Variants in TANGO6 observed in about 807,000 individuals in gnomAD.
TANGO6 encodes the protein transport and Golgi organization protein 6 homolog.
In TANGO6, 90 loss-of-function variants were observed where a neutral mutation model predicts 114.2. That is an observed-to-expected ratio of 0.79 (90% confidence interval 0.66 to 0.94). The LOEUF is 0.94. Among genes scored for constraint, TANGO6 ranks in the 40% least tolerant of loss-of-function variants. The pLI, the probability that TANGO6 is intolerant of heterozygous loss-of-function variation, is 0.00. For missense variants in TANGO6, 1,274 were observed against 1,315.3 expected (o/e 0.97, Z 0.49); for synonymous variants, 477 against 509.8 (o/e 0.94, Z 0.87).
At chr16:68,877,974 A>G (rs1228666548) in intron 5 of TANGO6, 144 bp from the exon 6 acceptor site, 4 of 659,708 alleles carry the variant, frequency 6.1e-6, no homozygotes, top group East Asian at 3.0e-5. Flanking sequence ...GATACTGGGT[A>G]TGTTAAATTA....
At chr16:69,023,846 A>G (rs1432173835) in intron 16 of TANGO6, among the ~76,000 whole-genome samples, 1 of 152,202 alleles carries the variant, frequency 6.6e-6, no homozygotes, top group Admixed American at 6.5e-5. Flanking sequence ...GTGAACCATC[A>G]AAATGATAGC....
intron 14 of TANGO6, among the ~76,000 whole-genome samples, chr16:68,959,265 A>G (rs937434462): frequency 1.3e-5 from 2 of 152,138 alleles, no homozygotes; most frequent in East Asian, 3.9e-4. Context: ...TTGCCTAATC[A>G]TGTCATCAAG....
chr16:69,046,323 T>C (rs1959857348), intron 17 of TANGO6, among the ~76,000 whole-genome samples: 1 of 142,922 alleles, frequency 7.0e-6, no homozygotes, highest in Non-Finnish European at 1.5e-5. Flanking sequence ...AGAAAAGGAT[T>C]TTTTTTTTTT....
intron 16 of TANGO6, among the ~76,000 whole-genome samples, chr16:69,024,179 G>A (rs1300469703): frequency 6.6e-6 from 1 of 152,080 alleles, no homozygotes; most frequent in Non-Finnish European, 1.5e-5. Flanking sequence ...TAGGATTACA[G>A]GCGTGAGCCA....
At chr16:68,942,770 A>G (rs115675275) in intron 14 of TANGO6, among the ~76,000 whole-genome samples, 1,976 of 152,258 alleles carry the variant, frequency 0.013, 46 homozygotes, top group African/African-American at 0.045. Context: ...TTATCATCTC[A>G]GGCCTTTTTA....
intron 15 of TANGO6, among the ~76,000 whole-genome samples, chr16:68,986,593 C>A (rs567399252): frequency 3.3e-5 from 5 of 152,066 alleles, no homozygotes; most frequent in African/African-American, 1.2e-4. Context: ...AGAATGAAGC[C>A]ATAATCCAAT....
chr16:68,909,308 T>C lies in TANGO6; in HGVS notation c.1898T>C (p.Leu633Pro). 1 of 1,610,858 alleles carries C rather than the reference T, an allele frequency of 6.2e-7. No individual in the cohort carries two copies. Among genetic ancestry groups the C allele is most frequent in the Non-Finnish European group, 8.5e-7 (1 of 1,178,414 alleles). Reference protein sequence around the residue: ...LLELEQHQTLLVEGQERKLLV... With the variant: ...LLELEQHQTLPVEGQERKLLV... ...GAATTAGAGCAACATCAGACTCTTC[T>C]TGTGGAAGGCCAAGAGCGGAAGCTG... The change falls in exon 11 of 18, where the codon CTT (leucine) becomes CCT (proline). Residue 633 changes from leucine (L) to proline (P), a missense_variant. Coordinates refer to ENST00000261778, the MANE Select transcript of TANGO6 (RefSeq NM_024562.2).
chr16:68,999,585 A>G (rs963637337), intron 15 of TANGO6, among the ~76,000 whole-genome samples: 2 of 152,190 alleles, frequency 1.3e-5, no homozygotes, highest in African/African-American at 4.8e-5. Flanking sequence ...CTCACAAATA[A>G]TTTCCAAATT....
chr16:68,957,300 A>G (rs917327714), intron 14 of TANGO6, among the ~76,000 whole-genome samples: 11 of 152,052 alleles, frequency 7.2e-5, no homozygotes, highest in East Asian at 3.9e-4. Flanking sequence ...CAGAAACTCT[A>G]TAACATTAGG....
At chr16:68,997,797 A>G (rs141643442) in intron 15 of TANGO6, among the ~76,000 whole-genome samples, 53 of 152,316 alleles carry the variant, frequency 3.5e-4, no homozygotes, top group Middle Eastern at 6.8e-3. Context: ...CACCTCTGAC[A>G]TATTTCCTCC....
intron 1 of TANGO6, among the ~76,000 whole-genome samples, chr16:68,858,702 CA>C (rs979030416): frequency 2.0e-5 from 3 of 152,022 alleles, no homozygotes; most frequent in African/African-American, 7.2e-5. Context: ...AGGCTGATCT[CA>C]AACTCCTGGG....
intron 17 of TANGO6, among the ~76,000 whole-genome samples, chr16:69,049,622 G>A (rs1477527636): frequency 6.6e-6 from 1 of 151,726 alleles, no homozygotes; most frequent in South Asian, 2.1e-4. Flanking sequence ...AGTAGAGACG[G>A]GATTTCACCA....
In TANGO6 at chr16:68,927,639, T is replaced by C. The variant is rs756690683; in HGVS notation, c.2199T>C (p.Pro733=). 5.0e-6 allele frequency: 8 copies of C among 1,614,068 alleles called. No homozygotes were observed. The highest frequency in any genetic ancestry group is 6.8e-6 in the Non-Finnish European group (8 of 1,179,902). Residue 733 remains proline (P), a synonymous_variant, in exon 13 of 18, where the codon CCT becomes CCC. Coordinates refer to ENST00000261778, the MANE Select transcript of TANGO6 (RefSeq NM_024562.2). ...TGGAGAAGGTATCCAACACATACCCTGATCCGGTCATCCAAGAACTCGCTG... is the reference window on the plus strand; with the variant it reads ...TGGAGAAGGTATCCAACACATACCCCGATCCGGTCATCCAAGAACTCGCTG... ...PLLEKVSNTY[P]DPVIQELAVD...
intron 2 of TANGO6, among the ~76,000 whole-genome samples, chr16:68,861,250 G>A (rs142143483): frequency 3.9e-5 from 6 of 152,264 alleles, no homozygotes; most frequent in African/African-American, 7.2e-5. Context: ...AGCAGAAGCC[G>A]TTAAGATGTA....
At chr16:68,873,511 A>C (rs143982198) in intron 4 of TANGO6, among the ~76,000 whole-genome samples, 2,225 of 146,328 alleles carry the variant, frequency 0.015, 46 homozygotes, top group African/African-American at 0.051. Context: ...ACGGGGTTTC[A>C]CCATGTAGGC....
chr16:69,053,629 G>T (rs550918102), intron 17 of TANGO6, among the ~76,000 whole-genome samples: 2 of 152,252 alleles, frequency 1.3e-5, no homozygotes, highest in East Asian at 1.9e-4. Flanking sequence ...GCACTCAAAA[G>T]CTGATGATAC....
chr16:68,866,862 G>A (rs928014674), intron 3 of TANGO6, among the ~76,000 whole-genome samples: 6 of 152,052 alleles, frequency 3.9e-5, no homozygotes, highest in Non-Finnish European at 8.8e-5. Flanking sequence ...GCTTGAACCC[G>A]GGAGGTGGAG....
Position 68,860,013 on chromosome 16 carries a change from A to T in TANGO6, c.224A>T (p.Asp75Val). 1 of 1,613,998 alleles carries T rather than the reference A, an allele frequency of 6.2e-7. No homozygotes were observed. Among genetic ancestry groups the T allele is most frequent in the South Asian group, 1.1e-5 (1 of 91,086 alleles). The part of the protein sequence containing the change: ...PQWKNLKLLR[D>V]EIADKAEWPQ... ...TGGAAGAATCTGAAACTCCTAAGAG[A>T]TGAAATTGCTGATAAGGCAGAATGG... The change falls in exon 2 of 18, where the codon GAT (aspartate) becomes GTT (valine). Residue 75 changes from aspartate to valine, a missense_variant. This residue lies in a region of TANGO6 where 114 missense variants were observed against 104.6 expected (regional missense o/e 1.09). Coordinates refer to ENST00000261778, the MANE Select transcript of TANGO6 (RefSeq NM_024562.2).
intron 3 of TANGO6, among the ~76,000 whole-genome samples, chr16:68,865,886 C>T (rs917272834): frequency 6.6e-6 from 1 of 151,984 alleles, no homozygotes; most frequent in African/African-American, 2.4e-5. Flanking sequence ...CCACTGCTCT[C>T]CAGCCTGGGC....
Sources: gnomAD v4.1 joint callset for allele counts (sites outside exome capture counted in the v4.1 genomes callset) on GRCh38, gnomAD v4.1.1 for gene constraint, gnomAD v4.1.1 regional missense constraint, MANE v1.5 for transcripts, NCBI Gene and HGNC (gene_info 2026-07-23, HGNC 2026-07-21) for gene names.